ITGA2: variants seen among roughly 807,000 people sequenced by gnomAD.
ITGA2 encodes integrin alpha-2.
In ITGA2, 101 loss-of-function variants were observed where a neutral mutation model predicts 146.3. The ratio of observed to expected loss-of-function variants is 0.69; its 90% CI spans 0.59 to 0.81. The LOEUF (loss-of-function observed/expected upper bound fraction) is 0.81, where lower values mean the gene tolerates loss of function less well. ITGA2 is among the 40% of genes least tolerant of loss of function. The probability of loss-of-function intolerance (pLI) is 0.00; values close to 1 mark genes in which losing one functional copy is unlikely to be tolerated. For synonymous variants in ITGA2, 477 were observed against 487.1 expected (o/e 0.98, Z 0.27); for missense variants, 1,281 against 1,402.7 (o/e 0.91, Z 1.39).
chr5:53,053,004 G>T (rs946180870), intron 7 of ITGA2, among the ~76,000 whole-genome samples: 17 of 152,042 alleles, frequency 1.1e-4, no homozygotes, highest in African/African-American at 3.9e-4. Flanking sequence ...AATTCAATCT[G>T]TCCCACACTG....
chr5:53,005,310 C>T (rs1213851960), intron 1 of ITGA2, among the ~76,000 whole-genome samples: 1 of 151,988 alleles, frequency 6.6e-6, no homozygotes, highest in East Asian at 1.9e-4. Flanking sequence ...TAAATTTGCT[C>T]AGGATATACT....
rs146113719 is a variant in ITGA2 at position 53,086,593 on chromosome 5, A to G, written c.3259-359A>G. On this transcript the variant is annotated intron_variant, in intron 27 of 29. Transcript: ENST00000296585. ...CAAACTTATTTTTTAAAAAATCTGA[A>G]CTGTGATCTTCCCAGTTAGAAATAT... is the stretch of plus-strand genomic sequence containing the variant. Among the ~76,000 whole-genome samples, 536 of 152,296 alleles carry G rather than the reference A, an allele frequency of 3.5e-3. 3 individuals are homozygous for G. Among genetic ancestry groups the G allele is most frequent in the African/African-American group, 0.012 (515 of 41,566 alleles).
chr5:53,036,293 C>T (rs1743490270), intron 2 of ITGA2, among the ~76,000 whole-genome samples: 1 of 151,878 alleles, frequency 6.6e-6, no homozygotes, highest in South Asian at 2.1e-4. Flanking sequence ...AATTCTTCTA[C>T]AATATGTCAG....
intron 13 of ITGA2, among the ~76,000 whole-genome samples, chr5:53,063,908 CT>C (rs1745020294): frequency 6.6e-6 from 1 of 151,756 alleles, no homozygotes; most frequent in Non-Finnish European, 1.5e-5. Flanking sequence ...ATGAACAGAT[CT>C]TTTAATACCG....
intron 1 of ITGA2, among the ~76,000 whole-genome samples, chr5:53,000,903 T>TG (rs1561278967): frequency 3.5e-5 from 5 of 144,468 alleles, no homozygotes; most frequent in South Asian, 4.5e-4. Flanking sequence ...TTTTGTTTTT[T>TG]TTTTTTTTTT....
chr5:53,016,772 T>A (rs1234863453), intron 1 of ITGA2, among the ~76,000 whole-genome samples: 1 of 152,096 alleles, frequency 6.6e-6, no homozygotes, highest in African/African-American at 2.4e-5. Context: ...TTCTTGGAGG[T>A]TTTGTTCATT....
chr5:52,989,642 G>A lies in ITGA2; in HGVS notation c.64+110G>A, dbSNP rs1740820273. 1.2e-5 allele frequency: 15 copies of A among 1,225,386 alleles called. No individual in the cohort carries two copies. The Admixed American group carries it at 1.2e-4, about 10-fold the overall frequency. The allele number at this position is 1,225,386 out of a possible 1,614,324, so 75.9% of individuals were successfully genotyped here. A position where few individuals can be genotyped will look rare whatever the true frequency, so the allele number is the denominator to read the frequency against. On this transcript the variant is annotated intron_variant, in intron 1 of 29. Coordinates refer to ENST00000296585, the MANE Select transcript of ITGA2 (RefSeq NM_002203.4). The stretch of plus-strand genomic sequence containing the variant: ...GGGAGCGAGCTCCGTGTGTTCCCTC[G>A]GATTCCACGTGGACTCGGGCTCCCA...
At chr5:53,038,457 T>C (rs1486873370) in intron 2 of ITGA2, among the ~76,000 whole-genome samples, 1 of 152,154 alleles carries the variant, frequency 6.6e-6, no homozygotes, top group African/African-American at 2.4e-5. Flanking sequence ...CCCCACAGTA[T>C]GGATGTACCC....
intron 20 of ITGA2, among the ~76,000 whole-genome samples, chr5:53,073,834 G>A (rs3212692): frequency 0.064 from 9,704 of 150,450 alleles, 446 homozygotes; most frequent in East Asian, 0.16. Flanking sequence ...TAGAGTTAAT[G>A]TGATCTTAAT....
chr5:53,007,281 G>A (rs1741903036), intron 1 of ITGA2, among the ~76,000 whole-genome samples: 1 of 152,108 alleles, frequency 6.6e-6, no homozygotes, highest in Non-Finnish European at 1.5e-5. Flanking sequence ...TGGAAGAAAG[G>A]TATGCACAGG....
rs1744881991 is a variant in ITGA2, at chr5:53,060,987, C to T, written c.1399C>T (p.Leu467=). Residue 467 remains leucine, a synonymous_variant, in exon 12 of 30, where the codon CTA becomes TTA. Coordinates refer to ENST00000296585, the MANE Select transcript of ITGA2 (RefSeq NM_002203.4). The stretch of plus-strand genomic sequence containing the variant: ...GGCAAATTATACCGGCCAGATAGTG[C>T]TATATAGTGTGAATGAGAATGGCAA... ...PRANYTGQIV[L]YSVNENGNIT... is the part of the protein sequence containing the mutation. The T allele has an allele frequency of 1.9e-6, 3 of 1,612,330 alleles. No individual in the cohort carries two copies. Among genetic ancestry groups the T allele is most frequent in the Middle Eastern group, 1.7e-4 (1 of 6,050 alleles).
chr5:52,998,253 A>AC (rs1741377500), intron 1 of ITGA2, among the ~76,000 whole-genome samples: 1 of 152,018 alleles, frequency 6.6e-6, no homozygotes, highest in Non-Finnish European at 1.5e-5. Flanking sequence ...GGAGTTCAAG[A>AC]CCAGCTTGGC....
chr5:53,023,004 G>A (rs976669209), intron 1 of ITGA2, among the ~76,000 whole-genome samples: 13 of 152,176 alleles, frequency 8.5e-5, no homozygotes, highest in African/African-American at 2.2e-4. Flanking sequence ...GTAAGCTTTC[G>A]TGAGATTTAC....
chr5:53,009,123 G>A (rs1741996797), intron 1 of ITGA2, among the ~76,000 whole-genome samples: 1 of 152,190 alleles, frequency 6.6e-6, no homozygotes, highest in East Asian at 1.9e-4. Flanking sequence ...CTTTGACCTG[G>A]GGGAAGAGAT....
chr5:53,020,671 T>TTTA (rs971189275), intron 1 of ITGA2, among the ~76,000 whole-genome samples: 3 of 150,872 alleles, frequency 2.0e-5, no homozygotes, highest in Non-Finnish European at 4.4e-5. Flanking sequence ...TTTATTTTAT[T>TTTA]TTATTATTAT....
At chr5:52,995,499 G>A (rs1741194952) in intron 1 of ITGA2, among the ~76,000 whole-genome samples, 1 of 152,152 alleles carries the variant, frequency 6.6e-6, no homozygotes, top group Non-Finnish European at 1.5e-5. Flanking sequence ...TACTATGGAG[G>A]TGGAGAGAGA....
chr5:53,029,928 C>T (rs1051213028), intron 2 of ITGA2, among the ~76,000 whole-genome samples: 1 of 152,234 alleles, frequency 6.6e-6, no homozygotes, highest in African/African-American at 2.4e-5. Context: ...AGTTCATAGA[C>T]ATGGCCTAGC....
At chr5:53,051,657 T>TATA in intron 7 of ITGA2, 98 bp downstream of exon 7, 1 of 1,196,754 alleles carries the variant, frequency 8.4e-7, no homozygotes, top group Non-Finnish European at 1.2e-6. Flanking sequence ...AGAAAAATAA[T>TATA]ATACCTGGTA....
In ITGA2 at chr5:53,094,415, T is replaced by G. The variant is rs754848351; in HGVS notation, c.*3816T>G. 1 of 152,210 alleles carries G rather than the reference T, an allele frequency of 6.6e-6. No individual in the cohort carries two copies. Among genetic ancestry groups the G allele is most frequent in the Non-Finnish European group, 1.5e-5 (1 of 68,018 alleles). 9.4% of individuals were successfully genotyped at this position (152,210 alleles called of 1,614,324 possible). ...CAGATTAAGTCAAAATATGAATGTA[T>G]ATATTGCATAACTATGTTAGAATTG... On this transcript the variant is annotated 3_prime_UTR_variant, in exon 30 of 30. Transcript: ENST00000296585.
Sources: gnomAD v4.1 joint callset for allele counts (sites outside exome capture counted in the v4.1 genomes callset) on GRCh38, gnomAD v4.1.1 for gene constraint, MANE v1.5 for transcripts, NCBI Gene and HGNC (gene_info 2026-07-23, HGNC 2026-07-21) for gene names.